PTPRT: variants seen among roughly 807,000 people sequenced by gnomAD.
PTPRT encodes receptor-type tyrosine-protein phosphatase T.
A neutral mutation model predicts 176.8 loss-of-function variants in PTPRT; 56 were observed. The ratio of observed to expected loss-of-function variants is 0.32; its 90% CI spans 0.26 to 0.40. The LOEUF is 0.40. PTPRT is among the 10% of genes least tolerant of loss of function. The pLI is 1.00. For missense variants in PTPRT, 1,540 were observed against 1,908.2 expected, an observed-to-expected ratio of 0.81 and a Z score of 3.60; for synonymous variants, 783 against 739.0, an observed-to-expected ratio of 1.06 and a Z score of -0.96.
At chr20:42,424,247 T>C (rs1184102460) in intron 9 of PTPRT, among the ~76,000 whole-genome samples, 2 of 152,220 alleles carry the variant, frequency 1.3e-5, no homozygotes, top group Non-Finnish European at 2.9e-5. Flanking sequence ...TGTCCCCAGC[T>C]GAAATCCAAT....
At chr20:43,064,727 T>G (rs1197117545) in intron 1 of PTPRT, among the ~76,000 whole-genome samples, 2 of 152,160 alleles carry the variant, frequency 1.3e-5, no homozygotes, top group African/African-American at 4.8e-5. Context: ...GAAGCCCACA[T>G]GTCTCAAGCC....
In PTPRT at chr20:42,077,680, T is replaced by A. The variant is rs903169324; in HGVS notation, c.*3199A>T. The A allele has an allele frequency of 2.3e-5, 5 of 219,642 alleles. No individual in the cohort carries two copies. The allele number at this position is 219,642 out of a possible 1,614,324, so 13.6% of individuals were successfully genotyped here. The stretch of plus-strand genomic sequence containing the variant: ...TCATCCCCATCCATAAGCCTCAATT[T>A]CTTCCTGTGTGCACTGGCCTAAGAC... On this transcript the variant is annotated 3_prime_UTR_variant, in exon 31 of 31. Coordinates refer to ENST00000373187, the MANE Select transcript of PTPRT (RefSeq NM_007050.6).
At chr20:42,456,415 AATG>A (rs1378801763) in intron 8 of PTPRT, among the ~76,000 whole-genome samples, 5 of 152,058 alleles carry the variant, frequency 3.3e-5, no homozygotes, top group Admixed American at 2.0e-4. Context: ...CTTTAATAGA[AATG>A]ATGATATGTC....
intron 16 of PTPRT, among the ~76,000 whole-genome samples, chr20:42,179,141 G>A (rs963144856): frequency 6.6e-6 from 1 of 152,182 alleles, no homozygotes; most frequent in Admixed American, 6.5e-5. Flanking sequence ...CAATGTTTTT[G>A]TGAGAACCAA....
intron 1 of PTPRT, among the ~76,000 whole-genome samples, chr20:42,960,874 G>A (rs1011954802): frequency 3.9e-5 from 6 of 152,162 alleles, no homozygotes; most frequent in African/African-American, 1.4e-4. Context: ...GTTCCCATTT[G>A]TAAATCACTA....
At chr20:42,757,404 C>T (rs2076850577) in intron 5 of PTPRT, among the ~76,000 whole-genome samples, 1 of 152,176 alleles carries the variant, frequency 6.6e-6, no homozygotes, top group South Asian at 2.1e-4. Context: ...AGGCTCTGAG[C>T]CCCACCTGCC....
intron 1 of PTPRT, among the ~76,000 whole-genome samples, chr20:42,987,088 A>G (rs1353384327): frequency 2.0e-5 from 3 of 152,108 alleles, no homozygotes; most frequent in African/African-American, 4.8e-5. Flanking sequence ...GGCAGCCATC[A>G]TCTCCACCTA....
chr20:42,277,196 G>T (rs1405225790), intron 13 of PTPRT, among the ~76,000 whole-genome samples: 1 of 152,228 alleles, frequency 6.6e-6, no homozygotes, highest in East Asian at 1.9e-4. Context: ...CTCCAAGGGG[G>T]TTGTTTTAAT....
At chr20:43,111,940 C>T (rs915388997) in intron 1 of PTPRT, among the ~76,000 whole-genome samples, 1 of 152,162 alleles carries the variant, frequency 6.6e-6, no homozygotes, top group Non-Finnish European at 1.5e-5. Context: ...TGGTTTAGTG[C>T]CAAGGAGGGC....
chr20:42,888,711 G>C (rs1299343752), intron 1 of PTPRT, among the ~76,000 whole-genome samples: 1 of 152,130 alleles, frequency 6.6e-6, no homozygotes, highest in African/African-American at 2.4e-5. Context: ...AGGTGGTTGG[G>C]CCTCTCCATT....
chr20:42,762,739 A>G (rs2076932181), intron 5 of PTPRT, among the ~76,000 whole-genome samples: 2 of 152,192 alleles, frequency 1.3e-5, no homozygotes, highest in South Asian at 4.1e-4. Flanking sequence ...TTTTCTTCCA[A>G]TTCATCCGTA....
intron 11 of PTPRT, among the ~76,000 whole-genome samples, chr20:42,348,688 C>G (rs2058232796): frequency 6.6e-6 from 1 of 152,126 alleles, no homozygotes; most frequent in Non-Finnish European, 1.5e-5. Context: ...TGAAAGCTAG[C>G]AGGCTCCTGT....
intron 7 of PTPRT, among the ~76,000 whole-genome samples, chr20:42,555,625 A>ACCGCCAC (rs1288836955): frequency 3.9e-5 from 6 of 152,154 alleles, no homozygotes; most frequent in Non-Finnish European, 7.4e-5. Context: ...CGTAACTTAT[A>ACCGCCAC]GTCCTTCCCC....
intron 9 of PTPRT, among the ~76,000 whole-genome samples, chr20:42,422,727 T>C (rs1257679801): frequency 6.6e-6 from 1 of 152,182 alleles, no homozygotes; most frequent in African/African-American, 2.4e-5. Context: ...TAAAACATTC[T>C]ATTATAAAGA....
At chr20:42,089,479 TG>T (rs1427495513) in intron 27 of PTPRT, among the ~76,000 whole-genome samples, 5 of 152,228 alleles carry the variant, frequency 3.3e-5, no homozygotes, top group South Asian at 4.1e-4. Flanking sequence ...TGGAATGATT[TG>T]TCTCTTTTAA....
At chr20:42,739,031 G>C (rs2076572559) in intron 6 of PTPRT, among the ~76,000 whole-genome samples, 1 of 152,198 alleles carries the variant, frequency 6.6e-6, no homozygotes, top group South Asian at 2.1e-4. Flanking sequence ...TTGTGCCACA[G>C]CCTAGGCGAC....
chr20:42,041,499 A>G, the PTPRT span, among the ~76,000 whole-genome samples: 1 of 152,148 alleles, frequency 6.6e-6, no homozygotes, highest in East Asian at 1.9e-4. Context: ...TCTTGTCTAG[A>G]CATCCAGGAG....
chr20:42,032,058 C>A, the PTPRT span, among the ~76,000 whole-genome samples: 5 of 152,076 alleles, frequency 3.3e-5, no homozygotes, highest in African/African-American at 1.2e-4. Flanking sequence ...CTAACCCATG[C>A]AATCTGGCTC....
chr20:42,711,934 ACTC>A (rs1240695479), intron 6 of PTPRT, among the ~76,000 whole-genome samples: 1 of 151,478 alleles, frequency 6.6e-6, no homozygotes, highest in African/African-American at 2.4e-5. Context: ...AGGTGGCCTG[ACTC>A]CACAGCCCAT....
Sources: allele counts gnomAD v4.1 joint callset (sites outside exome capture counted in the v4.1 genomes callset), GRCh38; gene constraint gnomAD v4.1.1; transcripts MANE v1.5; gene names NCBI Gene and HGNC (gene_info 2026-07-23, HGNC 2026-07-21).